ZNF821: variants seen among roughly 807,000 people sequenced by gnomAD.
ZNF821 encodes zinc finger protein 821.
In ZNF821, 16 loss-of-function variants were observed where a neutral mutation model predicts 44.3. The ratio of observed to expected loss-of-function variants is 0.36; its 90% CI spans 0.24 to 0.55. ZNF821 has a LOEUF of 0.55. ZNF821 is among the 20% of genes least tolerant of loss of function. The pLI, the probability that ZNF821 is intolerant of heterozygous loss-of-function variation, is 0.86. For synonymous variants in ZNF821, 204 were observed against 197.6 expected, an observed-to-expected ratio of 1.03 and a Z score of -0.27; for missense variants, 436 against 547.6, an observed-to-expected ratio of 0.80 and a Z score of 2.03.
Position 71,862,206 on chromosome 16 carries a change from G to A in ZNF821, c.418-264C>T, listed in dbSNP as rs111708095. The stretch of plus-strand genomic sequence containing the variant: ...TAAGGAACAGTGGGAGCCAGGCACA[G>A]TGGCTCATGCCTGTAATCCCAACAC... On this transcript the variant is annotated intron_variant, in intron 6 of 7. Coordinates refer to ENST00000425432, the MANE Select transcript of ZNF821 (RefSeq NM_001201552.2). 4.9e-4 allele frequency among the ~76,000 whole-genome samples: 74 copies of A among 152,368 alleles called. 1 individual carries two copies. The highest frequency in any genetic ancestry group is 1.6e-3 in the African/African-American group (68 of 41,582).
chr16:71,868,626 AC>A (rs1283150492), intron 3 of ZNF821, among the ~76,000 whole-genome samples: 1 of 152,224 alleles, frequency 6.6e-6, no homozygotes, highest in Non-Finnish European at 1.5e-5. Context: ...AAAATTAACA[AC>A]TGGTTGAATA....
intron 2 of ZNF821, chr16:71,882,995 G>A: frequency 2.6e-6 from 1 of 379,082 alleles, no homozygotes. Flanking sequence ...TAAACGGTGA[G>A]ATTCAGGTCT....
chr16:71,876,804 T>C (rs2035872483), intron 3 of ZNF821, among the ~76,000 whole-genome samples: 1 of 151,958 alleles, frequency 6.6e-6, no homozygotes, highest in Admixed American at 6.6e-5. Flanking sequence ...GATGGAGTTT[T>C]GCCTTGTTGC....
At chr16:71,869,707 G>A (rs1399075284) in intron 3 of ZNF821, among the ~76,000 whole-genome samples, 2 of 151,930 alleles carry the variant, frequency 1.3e-5, no homozygotes, top group Admixed American at 6.6e-5. Flanking sequence ...GTGTGATCAT[G>A]GCTTACTCCA....
Position 71,880,004 on chromosome 16 carries a change from C to A in ZNF821, c.-58G>T. On this transcript the variant is annotated 5_prime_UTR_variant, in exon 3 of 8. Transcript: ENST00000425432. ...AGTTTCACGACTGGATATGTTACTACCTCCTTGCAAGATGCTAACCTGCAA... is the reference window on the plus strand; with the variant it reads ...AGTTTCACGACTGGATATGTTACTAACTCCTTGCAAGATGCTAACCTGCAA... 1 of 1,543,806 alleles carries A rather than the reference C, an allele frequency of 6.5e-7. No individual in the cohort carries two copies.
chr16:71,891,156 G>A (rs184325128), intron 1 of ZNF821, among the ~76,000 whole-genome samples: 2 of 152,192 alleles, frequency 1.3e-5, no homozygotes, highest in African/African-American at 2.4e-5. Context: ...GGCTGATTAA[G>A]GCTTGCAGGC....
chr16:71,874,002 A>G (rs2035523876), intron 3 of ZNF821, among the ~76,000 whole-genome samples: 2 of 133,856 alleles, frequency 1.5e-5, no homozygotes, highest in Admixed American at 8.7e-5. Flanking sequence ...CTTGTTGCCC[A>G]GGCTGGAGTG....
At chr16:71,876,689 C>T (rs890419666) in intron 3 of ZNF821, among the ~76,000 whole-genome samples, 4 of 152,188 alleles carry the variant, frequency 2.6e-5, no homozygotes, top group Non-Finnish European at 4.4e-5. Context: ...CTCACTGCAG[C>T]CTCGACCTTT....
At chr16:71,884,968 G>C (rs113896508), upstream of ZNF821, among the ~76,000 whole-genome samples, 1,025 of 150,030 alleles carry the variant, frequency 6.8e-3, 16 homozygotes, top group African/African-American at 0.022. Flanking sequence ...AGCGATTCTC[G>C]TGCTTCAGCC....
Position 71,865,022 on chromosome 16 carries a change from TCTC to T in ZNF821, c.190_192del (p.Glu64del). On this transcript the variant is annotated inframe_deletion, in exon 5 of 8. Transcript: ENST00000425432. ...TGGGAAGAGACTTCATCTTGTGTCGTCTCCTCTTCATCACCCTCACTGTCACCT... is the reference window on the plus strand; with the variant it reads ...TGGGAAGAGACTTCATCTTGTGTCGTCTCTTCATCACCCTCACTGTCACCT... 1 of 1,614,152 alleles carries T rather than the reference TCTC, an allele frequency of 6.2e-7. No individual in the cohort carries two copies. Among genetic ancestry groups the T allele is most frequent in the Non-Finnish European group, 8.5e-7 (1 of 1,180,018 alleles).
intron 5 of ZNF821, 148 bp downstream of exon 5, chr16:71,864,755 T>G: frequency 1.1e-6 from 1 of 918,522 alleles, no homozygotes; most frequent in South Asian, 1.8e-5. Context: ...GTCTGAGGTG[T>G]GGGTTCTGGT....
chr16:71,868,344 C>T (rs1201626402), intron 3 of ZNF821, among the ~76,000 whole-genome samples: 3 of 152,198 alleles, frequency 2.0e-5, no homozygotes, highest in Non-Finnish European at 2.9e-5. Context: ...CCATTTACAA[C>T]CTTCCATCAG....
intron 3 of ZNF821, among the ~76,000 whole-genome samples, chr16:71,873,650 T>TA (rs922219497): frequency 1.9e-4 from 29 of 152,132 alleles, no homozygotes; most frequent in South Asian, 1.0e-3. Context: ...GATTCTTTTT[T>TA]AAAAATATAT....
At chr16:71,878,009 GGTT>G (rs2036019038) in intron 3 of ZNF821, among the ~76,000 whole-genome samples, 1 of 147,250 alleles carries the variant, frequency 6.8e-6, no homozygotes, top group Admixed American at 6.8e-5. Context: ...CACATATATA[GGTT>G]TTTTGTTTTT....
At chr16:71,873,195 G>A (rs1178913272) in intron 3 of ZNF821, among the ~76,000 whole-genome samples, 1 of 152,074 alleles carries the variant, frequency 6.6e-6, no homozygotes, top group Non-Finnish European at 1.5e-5. Context: ...GGTGATGAAC[G>A]CAAGTAATCC....
chr16:71,884,405 C>CT (rs1005165707), upstream of ZNF821, among the ~76,000 whole-genome samples: 1 of 152,058 alleles, frequency 6.6e-6, no homozygotes, highest in Non-Finnish European at 1.5e-5. Context: ...ATTCCCGGGT[C>CT]TTTCTCTGGC....
chr16:71,894,746 G>C, intron 1 of ZNF821: 1 of 835,520 alleles, frequency 1.2e-6, no homozygotes, highest in Non-Finnish European at 1.9e-6. Flanking sequence ...ATGGTGTCCA[G>C]GCTGGTCTGC....
intron 6 of ZNF821, among the ~76,000 whole-genome samples, chr16:71,862,242 C>T (rs1018137097): frequency 6.6e-6 from 1 of 152,064 alleles, no homozygotes; most frequent in Non-Finnish European, 1.5e-5. Flanking sequence ...TTTGGGAGGC[C>T]GAGGCAGGTG....
At chr16:71,876,121 C>A (rs572604345) in intron 3 of ZNF821, among the ~76,000 whole-genome samples, 1 of 152,358 alleles carries the variant, frequency 6.6e-6, no homozygotes, top group South Asian at 2.1e-4. Flanking sequence ...CACCCAACTC[C>A]TATACTTGCC....
Sources: allele counts gnomAD v4.1 joint callset (sites outside exome capture counted in the v4.1 genomes callset), GRCh38; gene constraint gnomAD v4.1.1; transcripts MANE v1.5; gene names NCBI Gene and HGNC (gene_info 2026-07-23, HGNC 2026-07-21).